The following IL18BP variants were observed in gnomAD, a reference collection of about 807,000 sequenced individuals.
IL18BP encodes interleukin 18 binding protein.
In IL18BP, 23 loss-of-function variants were observed where a neutral mutation model predicts 19.9. That is an observed-to-expected ratio of 1.15 (90% CI 0.83 to 1.64). IL18BP has a LOEUF of 1.64. IL18BP is among the 40% of genes most tolerant of loss of function. The pLI, the probability that IL18BP is intolerant of heterozygous loss-of-function variation, is 0.00. For missense variants in IL18BP, 239 were observed against 240.7 expected, an observed-to-expected ratio of 0.99 and a Z score of 0.05; for synonymous variants, 107 against 101.0, an observed-to-expected ratio of 1.06 and a Z score of -0.35.
chr11:72,000,425 C>G lies in IL18BP; in HGVS notation c.103C>G (p.Gln35Glu). Reference protein sequence around the residue: ...TLLVRATPVSQTTTAATASVR... With the variant: ...TLLVRATPVSETTTAATASVR... ...CCTGGTCAGAGCCACACCTGTCTCG[C>G]AGACCACCACAGCTGCCACTGCCTC... The change falls in exon 3 of 6, where the codon CAG becomes GAG. Residue 35 changes from glutamine to glutamate, a missense_variant. Coordinates refer to ENST00000393703, the MANE Select transcript of IL18BP (RefSeq NM_001039660.2). 6.2e-7 allele frequency: 1 copy of G among 1,614,106 alleles called. No homozygotes were observed. Among genetic ancestry groups the G allele is most frequent in the Non-Finnish European group, 8.5e-7 (1 of 1,180,002 alleles).
At chr11:72,003,638 ATCCCC>A (rs1955422578), downstream of IL18BP, 2 of 1,488,760 alleles carry the variant, frequency 1.3e-6, no homozygotes, top group Non-Finnish European at 1.9e-6. Context: ...CCCTGTCTGG[ATCCCC>A]TCCCTTGTGA....
downstream of IL18BP, chr11:72,004,046 T>C (rs767648297): frequency 5.0e-6 from 8 of 1,613,652 alleles, no homozygotes; most frequent in South Asian, 8.8e-5. Flanking sequence ...GGCTGTTCCC[T>C]AGCTTCTTGG....
At chr11:71,999,537 C>G (rs1025425162) in intron 1 of IL18BP, 1 of 212,356 alleles carries the variant, frequency 4.7e-6, no homozygotes, top group Non-Finnish European at 9.7e-6. Context: ...TCAAGATTCC[C>G]TGGTTAAAAA....
At chr11:72,004,221 T>G (rs759915540), downstream of IL18BP, 3 of 1,610,018 alleles carry the variant, frequency 1.9e-6, no homozygotes, top group Non-Finnish European at 2.5e-6. Flanking sequence ...AGCCCCAGCC[T>G]CACCTGTTTA....
downstream of IL18BP, chr11:72,005,300 G>A (rs1472187746): frequency 2.5e-6 from 4 of 1,609,638 alleles, no homozygotes; most frequent in South Asian, 3.3e-5. Context: ...CTGCAGCTCT[G>A]CAATGCGGTT....
downstream of IL18BP, chr11:72,008,148 A>G (rs988627634): frequency 1.5e-5 from 7 of 478,522 alleles, no homozygotes; most frequent in Admixed American, 2.3e-5. Context: ...CTTTATGTCT[A>G]GCACAAAATA....
chr11:71,999,259 T>A (rs909881551), intron 1 of IL18BP: 1 of 433,834 alleles, frequency 2.3e-6, no homozygotes, highest in South Asian at 1.7e-5. Context: ...TGAATGTCAG[T>A]GTGAAGGTGA....
downstream of IL18BP, chr11:72,007,549 G>T: frequency 7.6e-7 from 1 of 1,315,606 alleles, no homozygotes; most frequent in Non-Finnish European, 1.0e-6. Context: ...AGGTCAAGCA[G>T]CCCATCTCTC....
chr11:72,003,333 CT>C (rs372286018), downstream of IL18BP: 1 of 626,954 alleles, frequency 1.6e-6, no homozygotes, highest in Non-Finnish European at 2.9e-6. Context: ...TCCAGGCCCC[CT>C]GGGCCAGCTC....
downstream of IL18BP, chr11:72,003,992 G>A (rs886478786): frequency 1.2e-6 from 2 of 1,613,410 alleles, no homozygotes; most frequent in East Asian, 2.2e-5. Context: ...GAGTGTTGGG[G>A]GAAGCCTTGG....
Position 72,001,842 on chromosome 11 carries a change from G to A in IL18BP, c.566G>A (p.Ser189Asn). The change falls in exon 6 of 6, where the codon AGT becomes AAT. Residue 189 changes from serine to asparagine, a missense_variant. Coordinates refer to ENST00000393703, the MANE Select transcript of IL18BP (RefSeq NM_001039660.2). ...GAAGCCCTGCCCTCCAGCCACAGCA[G>A]TCCACAGCAGCAGGGTTAAGACTCA... ...TQEALPSSHS[S>N]PQQQG The A allele has an allele frequency of 6.2e-7, 1 of 1,614,124 alleles. No homozygotes were observed.
At chr11:72,005,222 C>T (rs781702338), downstream of IL18BP, 21 of 1,588,444 alleles carry the variant, frequency 1.3e-5, no homozygotes, top group Admixed American at 3.6e-4. Flanking sequence ...CACAGTGACC[C>T]CAGGCCTCAC....
chr11:72,001,258 T>G lies in IL18BP; in HGVS notation c.293T>G (p.Leu98Arg). The G allele has an allele frequency of 6.2e-7, 1 of 1,614,146 alleles. No individual in the cohort carries two copies. The change falls in exon 4 of 6, where the codon CTC becomes CGC. Residue 98 changes from leucine (L) to arginine (R), a missense_variant. By Grantham distance (102) the Leu-to-Arg change is moderately radical. Transcript: ENST00000393703. Reference protein sequence around the residue: ...ACSRFPNFSILYWLGNGSFIE... With the variant: ...ACSRFPNFSIRYWLGNGSFIE... ...AGCCGCTTCCCCAACTTCAGCATCC[T>G]CTACTGGCTGGGCAATGGTTCCTTC...
chr11:72,005,931 G>A, downstream of IL18BP: 1 of 965,768 alleles, frequency 1.0e-6, no homozygotes, highest in Non-Finnish European at 1.6e-6. Context: ...ATGGTAGCAA[G>A]GAGGCCAGCC....
In IL18BP at chr11:72,001,329, G is replaced by A; in HGVS notation, c.359+5G>A. On this transcript the variant is annotated splice_donor_5th_base_variant and intron_variant, in intron 4 of 5. Coordinates refer to ENST00000393703, the MANE Select transcript of IL18BP (RefSeq NM_001039660.2). ...ACTGTGGGAGGGGAGCACCAGGTGAGGGTCGCAGCAGCCAGGTGGGTGGGA... is the reference window on the plus strand; with the variant it reads ...ACTGTGGGAGGGGAGCACCAGGTGAAGGTCGCAGCAGCCAGGTGGGTGGGA... The A allele has an allele frequency of 1.2e-6, 2 of 1,614,228 alleles. No individual in the cohort carries two copies. Among genetic ancestry groups the A allele is most frequent in the South Asian group, 2.2e-5 (2 of 91,076 alleles).
At chr11:72,001,378 A>ATGACC in intron 4 of IL18BP, 27 bp from the exon 5 acceptor site, 1 of 1,614,164 alleles carries the variant, frequency 6.2e-7, no homozygotes, top group Non-Finnish European at 8.5e-7. Context: ...CGGCCTTCTC[A>ATGACC]TGACCTTTCC....
downstream of IL18BP, chr11:72,003,871 C>T (rs755941390): frequency 1.2e-6 from 2 of 1,612,760 alleles, no homozygotes; most frequent in East Asian, 2.2e-5. Context: ...CTCCCCCATC[C>T]TGCCAGTGCC....
At chr11:72,001,124 G>A in intron 3 of IL18BP, 77 bp from the exon 4 acceptor site, 2 of 1,574,262 alleles carry the variant, frequency 1.3e-6, no homozygotes, top group South Asian at 1.1e-5. Context: ...GGGGGGAGCT[G>A]GCAGGGAGGG....
downstream of IL18BP, chr11:72,004,169 C>G (rs2845857): frequency 0.92 from 1,479,164 of 1,606,442 alleles, 684,014 homozygotes; most frequent in Non-Finnish European, 0.95. Flanking sequence ...GTGCCACGCT[C>G]TATCAGCAAG....
Sources: allele counts gnomAD v4.1 joint callset, GRCh38; gene constraint gnomAD v4.1.1; transcripts MANE v1.5; gene names NCBI Gene and HGNC (gene_info 2026-07-23, HGNC 2026-07-21).